The following POM121C variants were observed in gnomAD, a reference collection of about 807,000 sequenced individuals.
The protein encoded by POM121C is nuclear envelope pore membrane protein POM 121C.
POM121C carries 20 observed loss-of-function variants against 66.4 expected under a neutral mutation model. The observed-to-expected ratio is 0.30, with a 90% CI of 0.21 to 0.44. POM121C has a LOEUF of 0.44. Among genes scored for constraint, POM121C ranks in the 20% least tolerant of loss-of-function variants. POM121C has a pLI of 1.00. For synonymous variants in POM121C, 286 were observed against 528.0 expected (o/e 0.54, Z 6.28); for missense variants, 580 against 1,225.7 (o/e 0.47, Z 7.87).
At chr7:75,460,786 G>A (rs2599310) in intron 3 of POM121C, among the ~76,000 whole-genome samples, 270 of 152,160 alleles carry the variant, frequency 1.8e-3, no homozygotes, top group African/African-American at 6.0e-3. Context: ...GGCGAGCAGC[G>A]GAACTCTGTC....
intron 3 of POM121C, among the ~76,000 whole-genome samples, chr7:75,450,806 A>G (rs1370799947): frequency 2.0e-5 from 3 of 152,266 alleles, no homozygotes; most frequent in African/African-American, 4.8e-5. Flanking sequence ...TCTAAATGCC[A>G]GAGTTACTAC....
rs1183116750 is a variant in POM121C at position 75,416,820 on chromosome 7, C to G, written c.*1976G>C. The G allele has an allele frequency of 1.0e-5, 15 of 1,469,692 alleles. No individual in the cohort carries two copies. Among genetic ancestry groups the G allele is most frequent in the African/African-American group, 4.3e-5 (3 of 70,568 alleles). The allele number at this position is 1,469,692 out of a possible 1,614,324, so 91.0% of individuals were successfully genotyped here. The stretch of plus-strand genomic sequence containing the variant: ...TCACAGTTTTTTATTCTTAATGTCA[C>G]AAGCAGGAGAAAAATCTCACATTCA... On this transcript the variant is annotated 3_prime_UTR_variant, in exon 15 of 15. Transcript: ENST00000615331.
At chr7:75,473,119 T>G (rs2116521344) in intron 3 of POM121C, among the ~76,000 whole-genome samples, 1 of 152,332 alleles carries the variant, frequency 6.6e-6, no homozygotes, top group Middle Eastern at 3.4e-3. Context: ...GATTTTGGAA[T>G]CTGCACAGTT....
At chr7:75,439,245 C>T (rs200794049) in intron 5 of POM121C, 21 bp from the exon 6 acceptor site, 8 of 1,614,162 alleles carry the variant, frequency 5.0e-6, no homozygotes, top group South Asian at 2.2e-5. Context: ...TCAAAAAAGT[C>T]TCAAATGAAA....
At chr7:75,436,259 T>C (rs1790403859) in intron 7 of POM121C, among the ~76,000 whole-genome samples, 1 of 152,196 alleles carries the variant, frequency 6.6e-6, no homozygotes, top group African/African-American at 2.4e-5. Flanking sequence ...TAGACTGTAG[T>C]CTCTACAGTT....
chr7:75,424,402 C>A, intron 11 of POM121C, 124 bp downstream of exon 11: 3 of 1,409,514 alleles, frequency 2.1e-6, no homozygotes, highest in Non-Finnish European at 3.0e-6. Context: ...AGAAAGACCA[C>A]AAGAAAACAT....
chr7:75,418,687 C>T lies in POM121C; in HGVS notation c.*109G>A, dbSNP rs1357939795. ...CCCCCTGGCGGCTGAAGCCAGAGATCCGGGGTAGGTTTGCTTTACGCAGCT... is the reference window on the plus strand; with the variant it reads ...CCCCCTGGCGGCTGAAGCCAGAGATTCGGGGTAGGTTTGCTTTACGCAGCT... On this transcript the variant is annotated 3_prime_UTR_variant, in exon 15 of 15. Transcript: ENST00000615331. 2 of 1,385,666 alleles carry T rather than the reference C, an allele frequency of 1.4e-6. No individual in the cohort carries two copies. The highest frequency in any genetic ancestry group is 9.5e-7 in the Non-Finnish European group (1 of 1,057,380). The allele number at this position is 1,385,666 out of a possible 1,614,324, so 85.8% of individuals were successfully genotyped here.
At chr7:75,423,540 G>C (rs1188541343) in intron 12 of POM121C, among the ~76,000 whole-genome samples, 1 of 150,674 alleles carries the variant, frequency 6.6e-6, no homozygotes, top group African/African-American at 2.5e-5. Context: ...GGCGCTAAGA[G>C]CACACAACTA....
chr7:75,465,242 G>A (rs1791585542), intron 3 of POM121C, among the ~76,000 whole-genome samples: 1 of 151,858 alleles, frequency 6.6e-6, no homozygotes, highest in Non-Finnish European at 1.5e-5. Context: ...TGATCTGCTC[G>A]CCTTGGCCTC....
intron 7 of POM121C, among the ~76,000 whole-genome samples, chr7:75,435,942 T>C (rs587652219): frequency 6.6e-6 from 1 of 152,206 alleles, no homozygotes; most frequent in East Asian, 1.9e-4. Flanking sequence ...TCCCAGCTAC[T>C]TGGGAGGCTG....
At chr7:75,430,851 C>A (rs1291830699) in intron 7 of POM121C, among the ~76,000 whole-genome samples, 1 of 151,782 alleles carries the variant, frequency 6.6e-6, no homozygotes, top group African/African-American at 2.4e-5. Flanking sequence ...CTGAGGTGGG[C>A]AGATCATGAG....
At chr7:75,458,313 TGAGCCCAG>T (rs1299688385) in intron 3 of POM121C, among the ~76,000 whole-genome samples, 6 of 152,122 alleles carry the variant, frequency 3.9e-5, no homozygotes, top group African/African-American at 1.4e-4. Context: ...GAGGAACACT[TGAGCCCAG>T]GAGTTCAAGA....
rs140484168 is a variant in POM121C, at chr7:75,440,864, G to A, written c.227+90C>T. On this transcript the variant is annotated intron_variant, in intron 5 of 14. Transcript: ENST00000615331. ...GCCTATGAAGGCTCACAAACTGGAC[G>A]TGGCCTCTGTATCTTTACGGGAATG... The A allele has an allele frequency of 2.2e-5, 35 of 1,605,870 alleles. No individual in the cohort carries two copies. The East Asian group carries it at 5.8e-4, about 27-fold the overall frequency.
intron 3 of POM121C, among the ~76,000 whole-genome samples, chr7:75,473,939 C>T (rs1380040146): frequency 2.4e-4 from 36 of 152,226 alleles, no homozygotes; most frequent in Non-Finnish European, 3.2e-4. Flanking sequence ...CCGCCCGCCT[C>T]GGCCTCCTAA....
At position 75,475,081 on chromosome 7, in the gene POM121C, G is replaced by A. The variant is rs1792025581; in HGVS notation, c.-350C>T. On this transcript the variant is annotated 5_prime_UTR_variant, in exon 2 of 15. Coordinates refer to ENST00000615331, the MANE Select transcript of POM121C (RefSeq NM_001099415.3). ...CCTCACCCAAGGAAACTAGATGGCT[G>A]TAGTTCTCCAACATCACATCCCCGT... 6.9e-7 allele frequency: 1 copy of A among 1,454,738 alleles called. No individual in the cohort carries two copies. Among genetic ancestry groups the A allele is most frequent in the Admixed American group, 1.7e-5 (1 of 59,074 alleles). The allele number at this position is 1,454,738 out of a possible 1,614,324, so 90.1% of individuals were successfully genotyped here.
chr7:75,482,378 C>A (rs1554480265), intron 1 of POM121C, among the ~76,000 whole-genome samples: 1 of 152,108 alleles, frequency 6.6e-6, no homozygotes, highest in Admixed American at 6.6e-5. Context: ...GAGTTTGAGA[C>A]CAGCCTGAGC....
At chr7:75,448,648 A>G (rs1790915620) in intron 3 of POM121C, among the ~76,000 whole-genome samples, 1 of 140,294 alleles carries the variant, frequency 7.1e-6, no homozygotes, top group South Asian at 2.3e-4. Flanking sequence ...CTAAAAATAC[A>G]AAATTAGCCA....
chr7:75,441,132 G>A lies in POM121C; in HGVS notation c.66-17C>T. ...TGCTCTGGTCTATAATGAAAGACAA[G>A]ATTCTAGCCGTAAGATATTTTAATT... On this transcript the variant is annotated splice_polypyrimidine_tract_variant and intron_variant, in intron 4 of 14. Transcript: ENST00000615331. The A allele has an allele frequency of 6.2e-7, 1 of 1,610,524 alleles. No homozygotes were observed. The highest frequency in any genetic ancestry group is 8.5e-7 in the Non-Finnish European group (1 of 1,178,516).
intron 3 of POM121C, chr7:75,442,662 C>G: frequency 2.1e-6 from 3 of 1,455,196 alleles, no homozygotes; most frequent in Non-Finnish European, 2.7e-6. Context: ...CCGTCCCTGA[C>G]ACTCGCTATC....
Sources: gnomAD v4.1 joint callset for allele counts (sites outside exome capture counted in the v4.1 genomes callset) on GRCh38, gnomAD v4.1.1 for gene constraint, MANE v1.5 for transcripts, NCBI Gene and HGNC (gene_info 2026-07-23, HGNC 2026-07-21) for gene names.